The following TGFBR3 variants were observed in gnomAD, a reference collection of about 807,000 sequenced individuals.
The protein encoded by TGFBR3 is transforming growth factor beta receptor type 3.
A neutral mutation model predicts 87.9 loss-of-function variants in TGFBR3; 46 were observed. The ratio of observed to expected loss-of-function variants is 0.52; its 90% CI spans 0.41 to 0.67. TGFBR3 has a LOEUF of 0.67. Ranked by LOEUF, TGFBR3 falls within the 30% of genes least tolerant of loss-of-function variation. TGFBR3 has a pLI of 0.00. For missense variants in TGFBR3, 866 were observed against 1,041.9 expected, an observed-to-expected ratio of 0.83 and a Z score of 2.32; for synonymous variants, 381 against 391.6, an observed-to-expected ratio of 0.97 and a Z score of 0.32.
intron 2 of TGFBR3, among the ~76,000 whole-genome samples, chr1:91,856,595 A>G (rs1571577674): frequency 1.3e-5 from 2 of 152,120 alleles, no homozygotes; most frequent in East Asian, 3.9e-4. Context: ...TGGCCACATA[A>G]CCAAAAGGAG....
chr1:91,757,934 G>T (rs971986155), intron 4 of TGFBR3, among the ~76,000 whole-genome samples: 1 of 152,174 alleles, frequency 6.6e-6, no homozygotes, highest in Admixed American at 6.5e-5. Flanking sequence ...GACAATGTGA[G>T]TTACAACTAC....
rs563648018 is a variant in TGFBR3 at position 91,682,438 on chromosome 1, T to C, written c.*1301A>G. 6.7e-6 allele frequency: 3 copies of C among 444,672 alleles called. No individual in the cohort carries two copies. Among genetic ancestry groups the C allele is most frequent in the Non-Finnish European group, 1.3e-5 (3 of 224,902 alleles). The allele number at this position is 444,672 out of a possible 1,614,324, so 27.5% of individuals were successfully genotyped here. ...TTTTTTTTTTTTTAACAAGGAGGTA[T>C]CACTGAGCTTATTTTAGCTGCAAAG... On this transcript the variant is annotated 3_prime_UTR_variant, in exon 17 of 17. Coordinates refer to ENST00000212355, the MANE Select transcript of TGFBR3 (RefSeq NM_003243.5).
At chr1:91,775,762 G>T (rs952094353) in intron 3 of TGFBR3, among the ~76,000 whole-genome samples, 1 of 152,228 alleles carries the variant, frequency 6.6e-6, no homozygotes, top group Non-Finnish European at 1.5e-5. Context: ...AAATCAGAAT[G>T]CATCCCAGAG....
rs1557726893 is a variant in TGFBR3 at position 91,818,277 on chromosome 1, C to CTTTTT, written c.62-20807_62-20806insAAAAA. Among the ~76,000 whole-genome samples the CTTTTT allele has an allele frequency of 1.3e-4, 16 of 123,142 alleles. 8 individuals carry two copies. Among genetic ancestry groups the CTTTTT allele is most frequent in the Admixed American group, 1.8e-4 (2 of 11,008 alleles). The allele number at this position is 123,142 out of a possible 152,430, so 80.8% of individuals were successfully genotyped here. A position where few individuals can be genotyped will look rare whatever the true frequency, so the allele number is the denominator to read the frequency against. On this transcript the variant is annotated intron_variant, in intron 2 of 16. Coordinates refer to ENST00000212355, the MANE Select transcript of TGFBR3 (RefSeq NM_003243.5). The stretch of plus-strand genomic sequence containing the variant: ...CTGCACCATTTCCCCTTAGCCCCAG[C>CTTTTT]CTTTTTTTTTTTTTTTTTTTTTTTT...
intron 1 of TGFBR3, among the ~76,000 whole-genome samples, chr1:91,872,612 A>C (rs1361751353): frequency 1.3e-5 from 2 of 152,204 alleles, no homozygotes; most frequent in African/African-American, 4.8e-5. Flanking sequence ...TAACCAGACA[A>C]GGGGATGGGC....
At chr1:91,813,825 G>T (rs1676108499) in intron 2 of TGFBR3, among the ~76,000 whole-genome samples, 1 of 152,206 alleles carries the variant, frequency 6.6e-6, no homozygotes, top group African/African-American at 2.4e-5. Context: ...GACCGAGGAG[G>T]AGAGGATGGT....
At chr1:91,746,171 T>C (rs1257956226) in intron 4 of TGFBR3, among the ~76,000 whole-genome samples, 1 of 152,124 alleles carries the variant, frequency 6.6e-6, no homozygotes, top group East Asian at 1.9e-4. Flanking sequence ...ATGCACAAAC[T>C]TGAACATGAG....
rs529962518 is a variant in TGFBR3, at chr1:91,869,589, G to A, written c.-113-7945C>T. 3.9e-5 allele frequency among the ~76,000 whole-genome samples: 6 copies of A among 152,280 alleles called. No homozygotes were observed. In the South Asian group the frequency reaches 8.3e-4, roughly 21 times the overall value. On this transcript the variant is annotated intron_variant, in intron 1 of 16. Transcript: ENST00000212355. ...TGAGGCAGGAGAACCGCTTGAACTC[G>A]GCAGGCAGAGGTTACAGTGAGCTGA...
At chr1:91,744,952 A>G (rs182502733) in intron 4 of TGFBR3, among the ~76,000 whole-genome samples, 3 of 152,294 alleles carry the variant, frequency 2.0e-5, no homozygotes, top group East Asian at 3.9e-4. Context: ...TAGCTCCCCA[A>G]TGATAATGAA....
chr1:91,715,211 C>T (rs1185642843), intron 12 of TGFBR3, among the ~76,000 whole-genome samples: 1 of 152,212 alleles, frequency 6.6e-6, no homozygotes, highest in Admixed American at 6.5e-5. Flanking sequence ...CAAGAAACAG[C>T]AGACATCCTG....
At chr1:91,859,908 C>CAAAA (rs544117317) in intron 2 of TGFBR3, among the ~76,000 whole-genome samples, 1 of 85,590 alleles carries the variant, frequency 1.2e-5, no homozygotes, top group Non-Finnish European at 2.4e-5. Context: ...GACTCCATCT[C>CAAAA]AAAAAAAAAA....
At position 91,808,126 on chromosome 1, in the gene TGFBR3, TTAAAA is replaced by T. The variant is rs202233678; in HGVS notation, c.62-10660_62-10656del. On this transcript the variant is annotated intron_variant, in intron 2 of 16. Coordinates refer to ENST00000212355, the MANE Select transcript of TGFBR3 (RefSeq NM_003243.5). ...TTTCTATGAATTGCACTGGAAAGACTTAAAATAAAACTACAGCTGGGCATGTACTC... is the reference window on the plus strand; with the variant it reads ...TTTCTATGAATTGCACTGGAAAGACTTAAAACTACAGCTGGGCATGTACTC... Among the ~76,000 whole-genome samples the T allele has an allele frequency of 7.8e-3, 1,195 of 152,310 alleles. 16 individuals are homozygous for T. Among genetic ancestry groups the T allele is most frequent in the African/African-American group, 0.027 (1,124 of 41,574 alleles).
chr1:91,738,518 C>T (rs1002448435), intron 4 of TGFBR3, among the ~76,000 whole-genome samples: 2 of 152,156 alleles, frequency 1.3e-5, no homozygotes, highest in African/African-American at 2.4e-5. Context: ...CCCCGACACA[C>T]GTTCTCTCTC....
intron 3 of TGFBR3, among the ~76,000 whole-genome samples, chr1:91,788,379 C>T (rs1043519195): frequency 8.5e-5 from 13 of 152,162 alleles, no homozygotes; most frequent in African/African-American, 2.9e-4. Flanking sequence ...GATGTTCACT[C>T]ATTCCAGTGG....
At chr1:91,892,767 C>T (rs1021931767) in intron 2 of TGFBR3, among the ~76,000 whole-genome samples, 5 of 152,200 alleles carry the variant, frequency 3.3e-5, no homozygotes, top group Middle Eastern at 3.4e-3. Flanking sequence ...TGGTTATTCC[C>T]GAGATTTCAG....
At chr1:91,891,000 C>G (rs1188762222), upstream of TGFBR3, among the ~76,000 whole-genome samples, 1 of 151,620 alleles carries the variant, frequency 6.6e-6, no homozygotes, top group African/African-American at 2.4e-5. Flanking sequence ...TGAGTTCAAG[C>G]GATTTTCCTG....
At position 91,712,306 on chromosome 1, in the gene TGFBR3, G is replaced by A; in HGVS notation, c.2103C>T (p.Leu701=). 2 of 1,614,234 alleles carry A rather than the reference G, an allele frequency of 1.2e-6. No homozygotes were observed. Among genetic ancestry groups the A allele is most frequent in the East Asian group, 4.5e-5 (2 of 44,870 alleles). ...ACAGCGTCAGCTCACACTGTAGAAA[G>A]AGCAGTGAGGTGTTGAAGACAGGCT... ...VFKPVFNTSL[L]FLQCELTLCT... The change falls in exon 13 of 17, where the codon CTC becomes CTT. Residue 701 remains leucine, a synonymous_variant. Coordinates refer to ENST00000212355, the MANE Select transcript of TGFBR3 (RefSeq NM_003243.5).
intron 3 of TGFBR3, among the ~76,000 whole-genome samples, chr1:91,765,936 A>G (rs766968560): frequency 1.3e-5 from 2 of 152,198 alleles, no homozygotes; most frequent in African/African-American, 2.4e-5. Flanking sequence ...GTCACATTTA[A>G]TAAATACATC....
At chr1:91,739,949 A>G (rs1392914568) in intron 4 of TGFBR3, among the ~76,000 whole-genome samples, 2 of 152,118 alleles carry the variant, frequency 1.3e-5, no homozygotes, top group African/African-American at 4.8e-5. Flanking sequence ...GTGGTAAATC[A>G]CTCACTATGA....
Sources: gnomAD v4.1 joint callset for allele counts (sites outside exome capture counted in the v4.1 genomes callset) on GRCh38, gnomAD v4.1.1 for gene constraint, MANE v1.5 for transcripts, NCBI Gene and HGNC (gene_info 2026-07-23, HGNC 2026-07-21) for gene names.